MIA2: variants seen among roughly 807,000 people sequenced by gnomAD.
The protein encoded by MIA2 is melanoma inhibitory activity protein 2.
Under a neutral mutation model 167.8 loss-of-function variants are expected in MIA2, and 127 were observed. The ratio of observed to expected loss-of-function variants is 0.76; its 90% CI spans 0.66 to 0.88. The LOEUF (loss-of-function observed/expected upper bound fraction) is 0.88, where lower values mean the gene tolerates loss of function less well. MIA2 is among the 40% of genes least tolerant of loss of function. The pLI is 0.00. For synonymous variants in MIA2, 552 were observed against 541.9 expected, an observed-to-expected ratio of 1.02 and a Z score of -0.26; for missense variants, 1,690 against 1,624.7, an observed-to-expected ratio of 1.04 and a Z score of -0.69.
chr14:39,367,827 GT>G (rs72012688), intron 23 of MIA2, among the ~76,000 whole-genome samples: 98,865 of 151,882 alleles, frequency 0.65, 33,517 homozygotes, highest in African/African-American at 0.85. Flanking sequence ...ATTGTCGTCG[GT>G]TTTTTTTTCC....
chr14:39,384,895 C>A (rs1170809196), intron 23 of MIA2, among the ~76,000 whole-genome samples: 3 of 152,170 alleles, frequency 2.0e-5, no homozygotes, highest in Non-Finnish European at 2.9e-5. Flanking sequence ...AACTCATTGT[C>A]TGTGACAAAT....
chr14:39,271,279 G>T (rs866478353), intron 6 of MIA2, among the ~76,000 whole-genome samples: 1 of 152,040 alleles, frequency 6.6e-6, no homozygotes, highest in Middle Eastern at 3.4e-3. Context: ...TAAATTTAAG[G>T]GTTTATTTCT....
downstream of MIA2, among the ~76,000 whole-genome samples, chr14:39,355,876 C>G (rs1028397714): frequency 2.6e-5 from 4 of 152,138 alleles, no homozygotes; most frequent in African/African-American, 9.7e-5. Flanking sequence ...GTATGTTGAA[C>G]CAGCCCTGCA....
chr14:39,270,316 C>T (rs766771695), intron 6 of MIA2, among the ~76,000 whole-genome samples: 6 of 151,216 alleles, frequency 4.0e-5, no homozygotes, highest in Non-Finnish European at 7.4e-5. Flanking sequence ...ATTCTCCTGC[C>T]TCAGCCTCCT....
chr14:39,352,534 T>C (rs191934731), downstream of MIA2, among the ~76,000 whole-genome samples: 1 of 152,122 alleles, frequency 6.6e-6, no homozygotes, highest in East Asian at 1.9e-4. Context: ...GGTCAGAATT[T>C]GGAGTATAGT....
chr14:39,298,359 G>A (rs1170219846), intron 13 of MIA2, among the ~76,000 whole-genome samples: 2 of 144,972 alleles, frequency 1.4e-5, no homozygotes, highest in African/African-American at 5.1e-5. Context: ...ATCACCAAAT[G>A]TGAATTTTTT....
chr14:39,320,898 A>C (rs2066296052), intron 23 of MIA2, 30 bp from the exon 24 acceptor site: 1 of 1,603,930 alleles, frequency 6.2e-7, no homozygotes, highest in Non-Finnish European at 8.5e-7. Context: ...TGAAACTATG[A>C]ATTTAAATAT....
At chr14:39,261,853 T>C (rs1212554010) in intron 6 of MIA2, among the ~76,000 whole-genome samples, 1 of 152,210 alleles carries the variant, frequency 6.6e-6, no homozygotes, top group Admixed American at 6.5e-5. Context: ...TTTTTTCTTG[T>C]ACATTTGTTT....
chr14:39,262,373 A>G (rs912390067), intron 6 of MIA2, among the ~76,000 whole-genome samples: 3 of 152,106 alleles, frequency 2.0e-5, no homozygotes, highest in Admixed American at 1.3e-4. Context: ...CCATTGGTCT[A>G]TATCTCTGTT....
At chr14:39,364,684 G>C (rs2074777233) in intron 23 of MIA2, among the ~76,000 whole-genome samples, 1 of 151,532 alleles carries the variant, frequency 6.6e-6, no homozygotes, top group Non-Finnish European at 1.5e-5. Flanking sequence ...GGAATACTTT[G>C]CTGGGTATAG....
At chr14:39,272,460 A>G (rs112377701) in intron 6 of MIA2, among the ~76,000 whole-genome samples, 2,790 of 152,310 alleles carry the variant, frequency 0.018, 95 homozygotes, top group African/African-American at 0.063. Context: ...CAAGTTCTCA[A>G]TCTGGTCCAA....
At chr14:39,236,413 C>A (rs1261259801) in intron 1 of MIA2, among the ~76,000 whole-genome samples, 1 of 152,094 alleles carries the variant, frequency 6.6e-6, no homozygotes, top group Non-Finnish European at 1.5e-5. Context: ...TTGGGCTCCA[C>A]TAGGGCTATG....
chr14:39,365,649 ACCT>A (rs1264745339), intron 23 of MIA2, among the ~76,000 whole-genome samples: 4 of 108,264 alleles, frequency 3.7e-5, no homozygotes, highest in African/African-American at 1.5e-4. Flanking sequence ...TTTTAAAAAT[ACCT>A]ATCTATCTAT....
Position 39,267,159 on chromosome 14 carries a change from C to A in MIA2, c.1888-9775C>A. 3 of 1,172,570 alleles carry A rather than the reference C, an allele frequency of 2.6e-6. No homozygotes were observed. The South Asian group carries it at 8.1e-5, about 32-fold the overall frequency. 72.6% of individuals were successfully genotyped at this position (1,172,570 alleles called of 1,614,324 possible). On this transcript the variant is annotated intron_variant, in intron 6 of 28. Coordinates refer to ENST00000640607, the MANE Select transcript of MIA2 (RefSeq NM_001329214.4). ...CCTTCTCGCGGCTGCCCGGCCGAAA[C>A]CAAACCGAGGGGTGGGGTGGCGAGG...
intron 25 of MIA2, among the ~76,000 whole-genome samples, chr14:39,337,800 C>T (rs1236188243): frequency 6.6e-6 from 1 of 151,992 alleles, no homozygotes; most frequent in Non-Finnish European, 1.5e-5. Flanking sequence ...TCACTGCAAC[C>T]TCTGCCTCCT....
intron 9 of MIA2, among the ~76,000 whole-genome samples, chr14:39,283,191 A>C (rs1429336447): frequency 6.6e-6 from 1 of 152,208 alleles, no homozygotes; most frequent in Non-Finnish European, 1.5e-5. Flanking sequence ...ATAATGCTGC[A>C]GTGAACATGG....
rs2152628733 is a variant in MIA2, at chr14:39,248,020, C to T, written c.1446C>T (p.Pro482=). The change falls in exon 4 of 29, where the codon CCC becomes CCT. Residue 482 remains proline, a synonymous_variant. Coordinates refer to ENST00000640607, the MANE Select transcript of MIA2 (RefSeq NM_001329214.4). ...NIPKETELPF[P]KQILDQNNVI... Reference sequence around the variant, plus strand: ...CAAAGGAAACAGAATTGCCATTTCCCAAACAGATACTGGATCAAAATAATG... The same window carrying T: ...CAAAGGAAACAGAATTGCCATTTCCTAAACAGATACTGGATCAAAATAATG... 6.4e-7 allele frequency: 1 copy of T among 1,572,734 alleles called. No homozygotes were observed. Among genetic ancestry groups the T allele is most frequent in the East Asian group, 2.3e-5 (1 of 44,332 alleles).
At chr14:39,349,270 C>T (rs994647800) in intron 28 of MIA2, among the ~76,000 whole-genome samples, 4 of 152,090 alleles carry the variant, frequency 2.6e-5, no homozygotes, top group East Asian at 1.9e-4. Context: ...ATTATCTGTA[C>T]CTTATTTGGT....
At chr14:39,345,508 G>A (rs1335236921) in intron 25 of MIA2, among the ~76,000 whole-genome samples, 3 of 152,122 alleles carry the variant, frequency 2.0e-5, no homozygotes, top group African/African-American at 7.2e-5. Context: ...ATTTCTTGCT[G>A]TGCTTACGTT....
Sources: gnomAD v4.1 joint callset for allele counts (sites outside exome capture counted in the v4.1 genomes callset) on GRCh38, gnomAD v4.1.1 for gene constraint, MANE v1.5 for transcripts, NCBI Gene and HGNC (gene_info 2026-07-23, HGNC 2026-07-21) for gene names.